GNAL: variants seen among roughly 807,000 people sequenced by gnomAD.
GNAL encodes guanine nucleotide-binding protein G(olf) subunit alpha.
Under a neutral mutation model 55.1 loss-of-function variants are expected in GNAL, and 18 were observed. The ratio of observed to expected loss-of-function variants is 0.33; its 90% CI spans 0.23 to 0.48. GNAL has a LOEUF of 0.48. Ranked by LOEUF, GNAL falls within the 20% of genes least tolerant of loss-of-function variation. GNAL has a pLI of 0.99. For missense variants in GNAL, 412 were observed against 614.1 expected, an observed-to-expected ratio of 0.67 and a Z score of 3.48; for synonymous variants, 253 against 237.0, an observed-to-expected ratio of 1.07 and a Z score of -0.62.
intron 1 of GNAL, among the ~76,000 whole-genome samples, chr18:11,691,850 T>C (rs2031257899): frequency 6.6e-6 from 1 of 152,342 alleles, no homozygotes; most frequent in East Asian, 1.9e-4. Flanking sequence ...GGCCGCAGTG[T>C]GCTCGCTGTG....
intron 1 of GNAL, among the ~76,000 whole-genome samples, chr18:11,750,994 C>G (rs1227201611): frequency 6.6e-6 from 1 of 151,946 alleles, no homozygotes; most frequent in East Asian, 1.9e-4. Context: ...CCTGGGGAGC[C>G]GGGGCGGGCT....
intron 4 of GNAL, among the ~76,000 whole-genome samples, chr18:11,819,395 T>C (rs957319113): frequency 6.6e-6 from 1 of 152,192 alleles, no homozygotes; most frequent in African/African-American, 2.4e-5. Context: ...TAAACTTTAG[T>C]TTAAATGTTG....
intron 1 of GNAL, among the ~76,000 whole-genome samples, chr18:11,712,178 T>C (rs1484915069): frequency 1.3e-5 from 2 of 152,260 alleles, no homozygotes; most frequent in Non-Finnish European, 2.9e-5. Context: ...ATTTAAACTA[T>C]TCTTTGTCCC....
intron 1 of GNAL, among the ~76,000 whole-genome samples, chr18:11,693,852 ATTT>A (rs35736728): frequency 4.6e-5 from 5 of 109,820 alleles, no homozygotes; most frequent in African/African-American, 3.6e-5. Flanking sequence ...CTATGTCGCT[ATTT>A]TTTTTTTTTT....
intron 2 of GNAL, 96 bp from the exon 3 acceptor site, chr18:11,753,532 G>C (rs926355098): frequency 6.9e-5 from 55 of 800,478 alleles, no homozygotes; most frequent in Non-Finnish European, 1.2e-4. Flanking sequence ...AACCAGTCTA[G>C]GTCAGTGCTG....
chr18:11,870,300 C>T (rs1244987089), intron 9 of GNAL, among the ~76,000 whole-genome samples: 2 of 152,186 alleles, frequency 1.3e-5, no homozygotes, highest in Non-Finnish European at 2.9e-5. Flanking sequence ...GCAGGAAGAT[C>T]ACCTGAGATC....
intron 1 of GNAL, among the ~76,000 whole-genome samples, chr18:11,738,005 G>A (rs1320430873): frequency 2.0e-5 from 3 of 152,176 alleles, no homozygotes; most frequent in African/African-American, 7.2e-5. Flanking sequence ...TCTGCAGGCC[G>A]GCAGAACCCC....
In GNAL at chr18:11,752,402, T is replaced by C. The variant is rs1161960678; in HGVS notation, c.377-451T>C. 2 of 1,588,896 alleles carry C rather than the reference T, an allele frequency of 1.3e-6. No homozygotes were observed. The highest frequency in any genetic ancestry group is 1.7e-6 in the Non-Finnish European group (2 of 1,170,772). On this transcript the variant is annotated intron_variant, in intron 1 of 11. Transcript: ENST00000334049. This position sits in a 1 kb window ranked among gnomAD's most constrained non-coding sequence, Gnocchi z 4.5. ...CTCTATTGCTTTTTGCGCACATTCC[T>C]AACTTCCTGACGTCCATCCCAGCGG...
chr18:11,879,216 C>T (rs182743087), intron 11 of GNAL, among the ~76,000 whole-genome samples: 64 of 151,508 alleles, frequency 4.2e-4, no homozygotes, highest in Non-Finnish European at 7.2e-4. Context: ...TAGGTCTATC[C>T]CCGTGAGGAG....
intron 1 of GNAL, among the ~76,000 whole-genome samples, chr18:11,741,629 G>T (rs914111144): frequency 1.3e-5 from 2 of 152,146 alleles, no homozygotes; most frequent in African/African-American, 2.4e-5. Context: ...GGTGTTCAAA[G>T]AATGCTTTAT....
intron 1 of GNAL, among the ~76,000 whole-genome samples, chr18:11,741,344 G>A (rs2032571300): frequency 1.3e-5 from 2 of 152,174 alleles, no homozygotes; most frequent in African/African-American, 4.8e-5. Context: ...ATGAGATGCT[G>A]AAAATAAAGC....
rs759495975 is a variant in GNAL, at chr18:11,753,945, G to A, written c.624G>A (p.Gln208=). 1.3e-5 allele frequency: 21 copies of A among 1,601,616 alleles called. No individual in the cohort carries two copies. Among genetic ancestry groups the A allele is most frequent in the Non-Finnish European group, 1.8e-5 (21 of 1,170,342 alleles). Residue 208 remains glutamine, a splice_region_variant and synonymous_variant, in exon 4 of 12, where the codon CAG becomes CAA. Transcript: ENST00000334049. The part of the protein sequence containing the change: ...IAPITDFEYS[Q]EFFDHVKKLW... ...CTATCACTGACTTTGAATATTCCCAGGTAAGAAATGCTTACTGAAATATTC... is the reference window on the plus strand; with the variant it reads ...CTATCACTGACTTTGAATATTCCCAAGTAAGAAATGCTTACTGAAATATTC...
chr18:11,817,878 C>G (rs575396254), intron 4 of GNAL, among the ~76,000 whole-genome samples: 3 of 151,920 alleles, frequency 2.0e-5, no homozygotes, highest in African/African-American at 7.3e-5. Flanking sequence ...CGTGAGCCAC[C>G]GCGCACAACC....
intron 4 of GNAL, among the ~76,000 whole-genome samples, chr18:11,764,962 A>G (rs1459855814): frequency 7.2e-5 from 11 of 152,226 alleles, no homozygotes; most frequent in Admixed American, 7.2e-4. Flanking sequence ...CTATTCTTCA[A>G]ATATCTATAA....
chr18:11,714,794 A>C (rs1476802980), intron 1 of GNAL, among the ~76,000 whole-genome samples: 1 of 152,176 alleles, frequency 6.6e-6, no homozygotes, highest in Non-Finnish European at 1.5e-5. Flanking sequence ...TCAGTTCCCA[A>C]GTGTAACTTT....
At chr18:11,851,357 C>T in intron 5 of GNAL, 2 of 998,832 alleles carry the variant, frequency 2.0e-6, no homozygotes, top group Non-Finnish European at 2.8e-6. Context: ...CCGCCTTTGG[C>T]GCTGGGCTCT....
At chr18:11,713,210 A>G (rs1468644818) in intron 1 of GNAL, among the ~76,000 whole-genome samples, 1 of 152,254 alleles carries the variant, frequency 6.6e-6, no homozygotes, top group Non-Finnish European at 1.5e-5. Flanking sequence ...AGAACTTGCT[A>G]TAGCAAAAGA....
chr18:11,800,014 A>G (rs992999868), intron 4 of GNAL, among the ~76,000 whole-genome samples: 4 of 152,100 alleles, frequency 2.6e-5, no homozygotes, highest in Non-Finnish European at 4.4e-5. Flanking sequence ...CTGGCCATGA[A>G]ACTAAAATGT....
intron 1 of GNAL, among the ~76,000 whole-genome samples, chr18:11,721,867 C>G (rs2032101195): frequency 6.6e-6 from 1 of 150,650 alleles, no homozygotes; most frequent in South Asian, 2.1e-4. Flanking sequence ...GCCTGGGAGA[C>G]AAGAGTGAAA....
Sources: gnomAD v4.1 joint callset for allele counts (sites outside exome capture counted in the v4.1 genomes callset) on GRCh38, gnomAD v4.1.1 for gene constraint, Gnocchi (gnomAD v3.1) non-coding constraint, MANE v1.5 for transcripts, NCBI Gene and HGNC (gene_info 2026-07-23, HGNC 2026-07-21) for gene names.